The following PUDP variants were observed in gnomAD, a reference collection of about 807,000 sequenced individuals.
The protein encoded by PUDP is pseudouridine-5'-phosphatase.
A neutral mutation model predicts 9.4 loss-of-function variants in PUDP; 8 were observed. The ratio of observed to expected loss-of-function variants is 0.85; its 90% CI spans 0.50 to 1.53. The LOEUF is 1.53. PUDP is among the 40% of genes most tolerant of loss of function. The pLI, the probability that PUDP is intolerant of heterozygous loss-of-function variation, is 0.00. For synonymous variants in PUDP, 99 were observed against 80.7 expected (o/e 1.23, Z -1.22); for missense variants, 188 against 189.7 (o/e 0.99, Z 0.05).
chrX:6,906,441 A>G (rs995148455), intron 3 of PUDP, among the ~76,000 whole-genome samples: 2 of 112,442 alleles, frequency 1.8e-5, no homozygotes, highest in Non-Finnish European at 3.8e-5. Context: ...GTTTGCACTG[A>G]AAATTGCATT....
At chrX:6,764,905 T>C (rs749814203) in intron 3 of PUDP, among the ~76,000 whole-genome samples, 115 of 111,298 alleles carry the variant, frequency 1.0e-3, no homozygotes, top group African/African-American at 3.3e-3. Flanking sequence ...AGCAACAGGA[T>C]TTCCATATAC....
chrX:6,853,151 A>G (rs1054994278), intron 3 of PUDP, among the ~76,000 whole-genome samples: 1 of 111,640 alleles, frequency 9.0e-6, no homozygotes. Context: ...AGACTTTGTT[A>G]TCTATGCAGC....
chrX:7,042,662 G>GT (rs1211238556), intron 1 of PUDP, among the ~76,000 whole-genome samples: 1 of 106,650 alleles, frequency 9.4e-6, no homozygotes, highest in Admixed American at 1.0e-4. Flanking sequence ...CATTTTTTGG[G>GT]GGGGGTAGAC....
chrX:6,797,220 T>C (rs1180327293), intron 3 of PUDP, among the ~76,000 whole-genome samples: 3 of 110,281 alleles, frequency 2.7e-5, no homozygotes, highest in Admixed American at 9.7e-5. Flanking sequence ...AATTGAAAAT[T>C]TGAATACAAA....
At chrX:6,791,456 C>T (rs755279126) in intron 3 of PUDP, among the ~76,000 whole-genome samples, 1 of 111,523 alleles carries the variant, frequency 9.0e-6, no homozygotes, top group East Asian at 2.8e-4. Context: ...AAAGAGTAAC[C>T]AAGGTTATGA....
intron 1 of PUDP, among the ~76,000 whole-genome samples, chrX:7,027,352 G>A (rs1171469143): frequency 9.0e-6 from 1 of 110,593 alleles, no homozygotes. Context: ...AACCTTTGCT[G>A]CAGGACCTAC....
intron 1 of PUDP, among the ~76,000 whole-genome samples, chrX:7,006,759 C>G (rs1433849702): frequency 1.8e-5 from 2 of 111,490 alleles, no homozygotes; most frequent in African/African-American, 6.6e-5. Flanking sequence ...TGACTGCTCT[C>G]TGCTAAAGAA....
chrX:6,755,624 C>A (rs1739849855), intron 3 of PUDP, among the ~76,000 whole-genome samples: 1 of 111,094 alleles, frequency 9.0e-6, no homozygotes, highest in Admixed American at 9.6e-5. Flanking sequence ...AAATAGCTAA[C>A]AGGGTGGATG....
chrX:6,723,646 T>C (rs1191700709), upstream of PUDP, among the ~76,000 whole-genome samples: 2 of 105,886 alleles, frequency 1.9e-5, no homozygotes, highest in Non-Finnish European at 3.9e-5. Context: ...GAGTCCATCT[T>C]GGGCAACCTA....
chrX:7,070,090 A>G (rs977358649), intron 3 of PUDP, among the ~76,000 whole-genome samples: 1 of 111,415 alleles, frequency 9.0e-6, no homozygotes, highest in African/African-American at 3.3e-5. Flanking sequence ...CAGGCCCCCA[A>G]TCACTGCACC....
chrX:7,108,888 CCAAA>C (rs1254112039), intron 1 of PUDP, among the ~76,000 whole-genome samples: 2 of 111,816 alleles, frequency 1.8e-5, no homozygotes, highest in Non-Finnish European at 1.9e-5. Flanking sequence ...GTAAAACACA[CCAAA>C]CAAACCTCAG....
At chrX:6,918,709 C>T (rs1927973155) in intron 3 of PUDP, among the ~76,000 whole-genome samples, 1 of 111,700 alleles carries the variant, frequency 9.0e-6, no homozygotes, top group African/African-American at 3.3e-5. Flanking sequence ...TGTAACCTCA[C>T]GTAGTGGAAG....
chrX:6,857,947 T>C (rs975466915), intron 3 of PUDP, among the ~76,000 whole-genome samples: 21 of 111,692 alleles, frequency 1.9e-4, no homozygotes, highest in African/African-American at 6.5e-4. Flanking sequence ...CCTGAGAGAA[T>C]TGTGTCTTCC....
intron 3 of PUDP, among the ~76,000 whole-genome samples, chrX:6,955,055 A>G (rs142627574): frequency 0.016 from 1,820 of 111,598 alleles, 17 homozygotes; most frequent in Non-Finnish European, 0.027. Flanking sequence ...CTATGCAGTG[A>G]CCCAAGGCTA....
intron 3 of PUDP, among the ~76,000 whole-genome samples, chrX:6,815,053 C>T (rs1448336626): frequency 1.8e-5 from 2 of 110,683 alleles, no homozygotes; most frequent in African/African-American, 3.3e-5. Context: ...AGTGACAACA[C>T]GACGGCTTCA....
intron 3 of PUDP, among the ~76,000 whole-genome samples, chrX:6,745,485 C>T (rs1924989271): frequency 8.9e-6 from 1 of 112,117 alleles, no homozygotes; most frequent in South Asian, 3.7e-4. Flanking sequence ...CAACAAAGAT[C>T]ACACCACAGA....
At position 6,760,830 on chromosome X, in the gene PUDP, G is replaced by A. The variant is rs1005011294; in HGVS notation, c.*248-54364C>T. On this transcript the variant is annotated intron_variant and NMD_transcript_variant, in intron 3 of 3. Transcript: ENST00000655425. Reference sequence around the variant, plus strand: ...TCACTACCGTCCACACTTGTCATACGGTAATGATTTAGGATCATTAGCAGA... The same window carrying A: ...TCACTACCGTCCACACTTGTCATACAGTAATGATTTAGGATCATTAGCAGA... Among the ~76,000 whole-genome samples, 4 of 111,753 alleles carry A rather than the reference G, an allele frequency of 3.6e-5. No homozygotes were observed. The East Asian group carries it at 8.4e-4, about 23-fold the overall frequency.
At chrX:6,887,158 A>ATTTATAATTAAATAT (rs1555914915) in intron 3 of PUDP, among the ~76,000 whole-genome samples, 2 of 102,656 alleles carry the variant, frequency 1.9e-5, no homozygotes, top group African/African-American at 3.4e-5. Flanking sequence ...TATTTAATTT[A>ATTTATAATTAAATAT]ATTTATTTAT....
intron 3 of PUDP, among the ~76,000 whole-genome samples, chrX:6,932,844 CG>C (rs1453884104): frequency 9.0e-6 from 1 of 110,831 alleles, no homozygotes; most frequent in Admixed American, 9.6e-5. Context: ...GAGGGTCCTA[CG>C]CCCACGGAGT....
Sources: gnomAD v4.1 joint callset for allele counts (sites outside exome capture counted in the v4.1 genomes callset) on GRCh38, gnomAD v4.1.1 for gene constraint, MANE v1.5 for transcripts, NCBI Gene and HGNC (gene_info 2026-07-23, HGNC 2026-07-21) for gene names.